DUOX1: variants seen among roughly 807,000 people sequenced by gnomAD.
DUOX1 encodes dual oxidase 1.
Under a neutral mutation model 181.8 loss-of-function variants are expected in DUOX1, and 134 were observed. That is an observed-to-expected ratio of 0.74 (90% CI 0.64 to 0.85). DUOX1 has a LOEUF of 0.85. Ranked by LOEUF, DUOX1 falls within the 40% of genes least tolerant of loss-of-function variation. The pLI, the probability that DUOX1 is intolerant of heterozygous loss-of-function variation, is 0.00. For synonymous variants in DUOX1, 798 were observed against 832.5 expected, an observed-to-expected ratio of 0.96 and a Z score of 0.71; for missense variants, 1,814 against 2,064.4, an observed-to-expected ratio of 0.88 and a Z score of 2.35.
At chr15:45,150,789 GC>G in intron 22 of DUOX1, 88 bp downstream of exon 22, 1 of 1,259,618 alleles carries the variant, frequency 7.9e-7, no homozygotes, top group Non-Finnish European at 1.1e-6. Context: ...GCCACCGCTA[GC>G]CCATGCAGCA....
intron 24 of DUOX1, 60 bp from the exon 25 acceptor site, chr15:45,152,226 C>T (rs1245367292): frequency 7.2e-6 from 11 of 1,532,610 alleles, no homozygotes; most frequent in Non-Finnish European, 9.7e-6. Context: ...CCTACCGCCC[C>T]TAACCAGCTC....
At chr15:45,159,460 T>A (rs1897045061) in intron 28 of DUOX1, among the ~76,000 whole-genome samples, 1 of 152,162 alleles carries the variant, frequency 6.6e-6, no homozygotes, top group Admixed American at 6.5e-5. Flanking sequence ...GGAGCCAACA[T>A]GGCCTGAAAA....
intron 5 of DUOX1, 79 bp downstream of exon 5, chr15:45,135,370 G>A: frequency 6.7e-7 from 1 of 1,499,142 alleles, no homozygotes; most frequent in Non-Finnish European, 8.9e-7. Flanking sequence ...AGGGCCTGGA[G>A]GGGAGAGGCG....
At position 45,160,767 on chromosome 15, in the gene DUOX1, A is replaced by G; in HGVS notation, c.3703-70A>G. ...CCAGCGGGGAAGTATGGAGGGTCTA[A>G]GGCCTGAGCTGGCCCTGTATTCTGC... On this transcript the variant is annotated intron_variant, in intron 28 of 33. Transcript: ENST00000389037. 2.0e-6 allele frequency: 3 copies of G among 1,485,868 alleles called. No individual in the cohort carries two copies. In the East Asian group the frequency reaches 8.3e-5, roughly 41 times the overall value. The allele number at this position is 1,485,868 out of a possible 1,614,324, so 92.0% of individuals were successfully genotyped here.
chr15:45,131,779 G>A (rs575897699), intron 1 of DUOX1, 139 bp from the exon 2 acceptor site: 57 of 618,510 alleles, frequency 9.2e-5, no homozygotes, highest in African/African-American at 3.0e-4. Flanking sequence ...AAGAATTTTC[G>A]GAAAGAGTGA....
intron 28 of DUOX1, among the ~76,000 whole-genome samples, chr15:45,159,893 A>G (rs1625779): frequency 0.98 from 149,436 of 152,256 alleles, 73,418 homozygotes; most frequent in Non-Finnish European, 1. Context: ...GGTGGCTCAC[A>G]CCTGTAATCT....
In DUOX1 at chr15:45,147,573, G is replaced by A. The variant is rs750049493; in HGVS notation, c.2463G>A (p.Glu821=). ...TCAAGCCCCAGGACATGTTTGTGGA[G>A]TCCATGTTCTCTCTGGCTGACAAGG... ...LGLKPQDMFV[E]SMFSLADKDG... Residue 821 remains glutamate (E), a synonymous_variant, in exon 19 of 34, where the codon GAG becomes GAA. Transcript: ENST00000389037. 1.2e-6 allele frequency: 2 copies of A among 1,614,136 alleles called. No homozygotes were observed. Among genetic ancestry groups the A allele is most frequent in the South Asian group, 1.1e-5 (1 of 91,044 alleles).
rs1346368848 is a variant in DUOX1, at chr15:45,148,009, G to A, written c.2642+12G>A. 2.5e-6 allele frequency: 4 copies of A among 1,608,490 alleles called. No individual in the cohort carries two copies. The highest frequency in any genetic ancestry group is 1.7e-5 in the Admixed American group (1 of 60,020). On this transcript the variant is annotated intron_variant, in intron 20 of 33. Transcript: ENST00000389037. ...ATCAGGATGCTGAGGTTTGTTCTCT[G>A]GGACAGCCAGGAGAATGGGCCAGGG...
At chr15:45,144,298 A>C in intron 17 of DUOX1, 63 bp downstream of exon 17, 1 of 1,561,226 alleles carries the variant, frequency 6.4e-7, no homozygotes. Context: ...AGCCAGGTGG[A>C]GGGGAAGAAG....
Position 45,134,486 on chromosome 15 carries a change from T to C in DUOX1, c.307+177T>C, listed in dbSNP as rs186728494. 4.6e-5 allele frequency among the ~76,000 whole-genome samples: 7 copies of C among 151,850 alleles called. No homozygotes were observed. The East Asian group carries it at 1.4e-3, about 30-fold the overall frequency. On this transcript the variant is annotated intron_variant, in intron 4 of 33. Transcript: ENST00000389037. ...AAGCAGGTGGAGAGAGGATCCATGC[T>C]GAAGTGAACTCTGGTTGGGGAGGCA...
rs976738211 is a variant in DUOX1 at position 45,139,439 on chromosome 15, G to A, written c.1229G>A (p.Gly410Glu). The stretch of plus-strand genomic sequence containing the variant: ...ATCTTGTCTCCAGATTTCTGGCCTG[G>A]GCCACTGAAGTTTTCCCGCACAGAC... Reference protein sequence around the residue: ...LVEDVRDFWPGPLKFSRTDHL... With the variant: ...LVEDVRDFWPEPLKFSRTDHL... The change falls in exon 12 of 34, where the codon GGG (glycine) becomes GAG (glutamate). Residue 410 changes from glycine to glutamate, a missense_variant. Gly to Glu is a moderately conservative substitution (Grantham distance 98). Coordinates refer to ENST00000389037, the MANE Select transcript of DUOX1 (RefSeq NM_175940.3). The A allele has an allele frequency of 1.2e-6, 2 of 1,612,676 alleles. No individual in the cohort carries two copies. The highest frequency in any genetic ancestry group is 2.2e-5 in the South Asian group (2 of 90,816).
In DUOX1 at chr15:45,161,899, G is replaced by A; in HGVS notation, c.4018G>A (p.Gly1340Arg). The A allele has an allele frequency of 6.2e-7, 1 of 1,613,408 alleles. No homozygotes were observed. The highest frequency in any genetic ancestry group is 1.6e-4 in the Middle Eastern group (1 of 6,062). Residue 1340 changes from glycine to arginine, a missense_variant, in exon 30 of 34, where the codon GGG becomes AGG. Gly to Arg is a moderately radical substitution (Grantham distance 125, BLOSUM62 -2). Transcript: ENST00000389037. ...DTLSLHIRAA[G>R]PWTTRLREIY... ...GCTTAGCCTGCACATCCGGGCAGCA[G>A]GGCCCTGGACCACTCGCCTCAGGGA...
chr15:45,135,030 G>C, intron 4 of DUOX1, 74 bp from the exon 5 acceptor site: 1 of 1,563,022 alleles, frequency 6.4e-7, no homozygotes, highest in Non-Finnish European at 8.7e-7. Flanking sequence ...GGGAGGGAAG[G>C]AAACTGGATA....
intron 26 of DUOX1, 80 bp downstream of exon 26, chr15:45,153,559 G>T (rs1214149769): frequency 5.4e-6 from 7 of 1,300,032 alleles, no homozygotes; most frequent in Non-Finnish European, 7.8e-6. Context: ...TAATGGGGAG[G>T]ATTCCTTTTG....
intron 2 of DUOX1, among the ~76,000 whole-genome samples, chr15:45,133,581 C>G (rs1011576929): frequency 6.6e-6 from 1 of 152,282 alleles, no homozygotes; most frequent in Middle Eastern, 3.4e-3. Flanking sequence ...CCTCCAGCCC[C>G]CTCTCCCTCT....
chr15:45,141,886 C>G, intron 14 of DUOX1, 89 bp from the exon 15 acceptor site: 1 of 1,478,696 alleles, frequency 6.8e-7, no homozygotes, highest in Non-Finnish European at 9.1e-7. Context: ...GTGCCCCCAC[C>G]CCCTTTCTGC....
chr15:45,142,501 G>A (rs533340618), intron 15 of DUOX1, among the ~76,000 whole-genome samples: 1 of 152,128 alleles, frequency 6.6e-6, no homozygotes, highest in Non-Finnish European at 1.5e-5. Context: ...CGAGGCAGGC[G>A]GATCACCTGA....
At chr15:45,151,341 T>C (rs962334942) in intron 23 of DUOX1, 93 bp downstream of exon 23, 3 of 1,515,148 alleles carry the variant, frequency 2.0e-6, no homozygotes, top group Non-Finnish European at 8.9e-7. Flanking sequence ...GTGCTAAACA[T>C]TGTGGGTACA....
In DUOX1 at chr15:45,135,156, C is replaced by T. The variant is rs1411527391; in HGVS notation, c.360C>T (p.Ala120=). The part of the protein sequence containing the change: ...LVSVETPGCP[A]EFLNIRIPPG... Reference sequence around the variant, plus strand: ...GCGTGGAAACTCCCGGCTGCCCCGCCGAGTTCCTCAACATTCGCATCCCGC... The same window carrying T: ...GCGTGGAAACTCCCGGCTGCCCCGCTGAGTTCCTCAACATTCGCATCCCGC... Residue 120 remains alanine, a synonymous_variant, in exon 5 of 34, where the codon GCC becomes GCT. Coordinates refer to ENST00000389037, the MANE Select transcript of DUOX1 (RefSeq NM_175940.3). 3.1e-6 allele frequency: 5 copies of T among 1,613,700 alleles called. No homozygotes were observed. In the African/African-American group the frequency reaches 4.0e-5, roughly 13 times the overall value.
Sources: gnomAD v4.1 joint callset for allele counts (sites outside exome capture counted in the v4.1 genomes callset) on GRCh38, gnomAD v4.1.1 for gene constraint, MANE v1.5 for transcripts, NCBI Gene and HGNC (gene_info 2026-07-23, HGNC 2026-07-21) for gene names.